The following LRRC63 variants were observed in gnomAD, a reference collection of about 807,000 sequenced individuals.
LRRC63 encodes the protein leucine rich repeat containing 63, also known as leucine-rich repeat-containing protein 63.
LRRC63 carries 40 observed loss-of-function variants against 49.5 expected under a neutral mutation model. The observed-to-expected ratio is 0.81, with a 90% CI of 0.63 to 1.05. LRRC63 has a LOEUF of 1.05. Among genes scored for constraint, LRRC63 ranks in the 50% least tolerant of loss-of-function variants. The probability of loss-of-function intolerance (pLI) is 0.00; values close to 1 mark genes in which losing one functional copy is unlikely to be tolerated. For synonymous variants in LRRC63, 191 were observed against 221.1 expected (o/e 0.86, Z 1.21); for missense variants, 636 against 663.1 (o/e 0.96, Z 0.45).
chr13:46,255,392 G>A (rs1004310416), intron 7 of LRRC63, among the ~76,000 whole-genome samples: 1 of 152,046 alleles, frequency 6.6e-6, no homozygotes, highest in South Asian at 2.1e-4. Flanking sequence ...AATTAATGCT[G>A]CTGAATGGCA....
intron 6 of LRRC63, among the ~76,000 whole-genome samples, 168 bp downstream of exon 6, chr13:46,246,793 T>G (rs1465988467): frequency 6.6e-6 from 1 of 152,168 alleles, no homozygotes; most frequent in East Asian, 1.9e-4. Flanking sequence ...GTACAGTACA[T>G]CTTTCTTAGG....
exon 3 of LRRC63, chr13:46,227,760 C>T (rs573059377): frequency 1.3e-6 from 2 of 1,550,516 alleles, no homozygotes; most frequent in South Asian, 1.2e-5. Flanking sequence ...ATTTTTTCCA[C>T]ATTGTAATTC....
chr13:46,231,528 T>A (rs879403425), intron 4 of LRRC63, among the ~76,000 whole-genome samples: 153 of 152,008 alleles, frequency 1.0e-3, no homozygotes, highest in Non-Finnish European at 1.1e-3. Flanking sequence ...TTTTTTTTTT[T>A]AGACAGAGTC....
At chr13:46,213,003 A>T in exon 2 of LRRC63, 4 of 1,391,878 alleles carry the variant, frequency 2.9e-6, no homozygotes, top group Non-Finnish European at 3.9e-6. Context: ...TAAACCAAGG[A>T]TTATGAAAAA....
chr13:46,228,031 G>A (rs1436633790), exon 3 of LRRC63: 28 of 1,551,108 alleles, frequency 1.8e-5, no homozygotes, highest in Middle Eastern at 1.7e-4. Flanking sequence ...ACAGTGCCAA[G>A]CCCTCCACCT....
intron 5 of LRRC63, among the ~76,000 whole-genome samples, chr13:46,246,087 A>C (rs1396372396): frequency 6.6e-6 from 1 of 152,024 alleles, no homozygotes; most frequent in Non-Finnish European, 1.5e-5. Context: ...TGTTAGTTTC[A>C]AAGTGTGTGG....
chr13:46,225,818 T>A (rs189072820), intron 2 of LRRC63, among the ~76,000 whole-genome samples: 24 of 152,286 alleles, frequency 1.6e-4, no homozygotes, highest in African/African-American at 5.8e-4. Flanking sequence ...GATATTGAAT[T>A]ACTTGTTTCA....
At chr13:46,226,728 C>CT (rs1338703852) in intron 2 of LRRC63, among the ~76,000 whole-genome samples, 1 of 152,196 alleles carries the variant, frequency 6.6e-6, no homozygotes, top group Admixed American at 6.5e-5. Context: ...AGATCAGTCT[C>CT]TAGCAATCCC....
At chr13:46,273,653 C>T (rs1302249958) in intron 9 of LRRC63, among the ~76,000 whole-genome samples, 1 of 150,692 alleles carries the variant, frequency 6.6e-6, no homozygotes, top group Non-Finnish European at 1.5e-5. Flanking sequence ...TGGCTCACGC[C>T]TGTAATCTCA....
rs1489458797 is a variant in LRRC63, at chr13:46,250,501, A to T, written c.1226+10A>T. 1.3e-6 allele frequency: 2 copies of T among 1,486,738 alleles called. No individual in the cohort carries two copies. Among genetic ancestry groups the T allele is most frequent in the African/African-American group, 2.8e-5 (2 of 70,380 alleles). 92.1% of individuals were successfully genotyped at this position (1,486,738 alleles called of 1,614,324 possible). On this transcript the variant is annotated intron_variant, in intron 7 of 9. Transcript: ENST00000595396. ...CTGTTCTTCCAATTGGGTAAGGTTGATGGTCTGAGATTATAAACACAGAAA... is the reference window on the plus strand; with the variant it reads ...CTGTTCTTCCAATTGGGTAAGGTTGTTGGTCTGAGATTATAAACACAGAAA...
chr13:46,246,962 T>C (rs2047230473), intron 6 of LRRC63, among the ~76,000 whole-genome samples: 1 of 152,124 alleles, frequency 6.6e-6, no homozygotes, highest in African/African-American at 2.4e-5. Context: ...AAAAACAAAG[T>C]AAACATGCAG....
At chr13:46,239,836 A>T (rs563165717) in intron 5 of LRRC63, among the ~76,000 whole-genome samples, 1 of 152,330 alleles carries the variant, frequency 6.6e-6, no homozygotes, top group African/African-American at 2.4e-5. Flanking sequence ...GGGATGCAAG[A>T]TTGGTTCAAC....
chr13:46,273,722 G>A (rs2047791992), intron 9 of LRRC63, among the ~76,000 whole-genome samples: 1 of 151,844 alleles, frequency 6.6e-6, no homozygotes, highest in Non-Finnish European at 1.5e-5. Context: ...GAACAGCCTG[G>A]CCAACATGGC....
rs568076898 is a variant in LRRC63, at chr13:46,226,559, T to C, written c.86-953T>C. On this transcript the variant is annotated intron_variant, in intron 2 of 9. Transcript: ENST00000595396. ...AGGGGAAGAGTGAGATGTTACTTTCTCCTTGTGGCATATATTCCTCTTCTC... is the reference window on the plus strand; with the variant it reads ...AGGGGAAGAGTGAGATGTTACTTTCCCCTTGTGGCATATATTCCTCTTCTC... Among the ~76,000 whole-genome samples, 4 of 152,188 alleles carry C rather than the reference T, an allele frequency of 2.6e-5. No homozygotes were observed. In the East Asian group the frequency reaches 7.7e-4, roughly 29 times the overall value.
intron 2 of LRRC63, among the ~76,000 whole-genome samples, chr13:46,215,800 G>T (rs570067102): frequency 6.6e-6 from 1 of 152,266 alleles, no homozygotes; most frequent in East Asian, 1.9e-4. Context: ...TGTATAAGGT[G>T]TAAGGAAGGG....
intron 5 of LRRC63, 80 bp downstream of exon 5, chr13:46,234,429 T>G (rs1022429268): frequency 8.1e-6 from 11 of 1,354,500 alleles, no homozygotes; most frequent in Non-Finnish European, 1.1e-5. Context: ...ATAGATTAGT[T>G]TCCATGGTAT....
intron 2 of LRRC63, among the ~76,000 whole-genome samples, chr13:46,219,854 TG>T (rs2138362898): frequency 6.6e-6 from 1 of 152,330 alleles, no homozygotes; most frequent in South Asian, 2.1e-4. Context: ...TCCATCAGTC[TG>T]GCCCCTCTGC....
chr13:46,218,032 A>G (rs1443369172), intron 2 of LRRC63, among the ~76,000 whole-genome samples: 1 of 152,096 alleles, frequency 6.6e-6, no homozygotes, highest in African/African-American at 2.4e-5. Flanking sequence ...TATGTGGTCA[A>G]TTTTCGAATA....
intron 3 of LRRC63, 127 bp downstream of exon 3, chr13:46,228,316 A>C (rs11843462): frequency 0.026 from 18,798 of 711,140 alleles, 643 homozygotes; most frequent in African/African-American, 0.14. Context: ...CACCTTTTAT[A>C]TATACATGTA....
Sources: gnomAD v4.1 joint callset for allele counts (sites outside exome capture counted in the v4.1 genomes callset) on GRCh38, gnomAD v4.1.1 for gene constraint, MANE v1.5 for transcripts, NCBI Gene and HGNC (gene_info 2026-07-23, HGNC 2026-07-21) for gene names.